The following PRNP variants were observed in gnomAD, a reference collection of about 807,000 sequenced individuals.
The protein encoded by PRNP is major prion protein.
In PRNP, 15 loss-of-function variants were observed where a neutral mutation model predicts 21.3. The observed-to-expected ratio is 0.71, with a 90% CI of 0.47 to 1.09. The LOEUF is 1.09. Among genes scored for constraint, PRNP ranks in the 50% least tolerant of loss-of-function variants. The pLI is 0.00. For missense variants in PRNP, 285 were observed against 340.9 expected (o/e 0.84, Z 1.29); for synonymous variants, 121 against 123.1 (o/e 0.98, Z 0.11).
At position 4,700,507 on chromosome 20, in the gene PRNP, G is replaced by A. The variant is rs1922535657; in HGVS notation, c.*525G>A. On this transcript the variant is annotated 3_prime_UTR_variant, in exon 2 of 2. Coordinates refer to ENST00000379440, the MANE Select transcript of PRNP (RefSeq NM_000311.5). This position sits in a 1 kb window ranked among gnomAD's most constrained non-coding sequence, Gnocchi z 4.1. ...AATCCTAGAGATTCTTAGCTCTTGG[G>A]ATGCAGGCTCAGCCCGCTGGAGCAT... 4 of 316,422 alleles carry A rather than the reference G, an allele frequency of 1.3e-5. No homozygotes were observed. Among genetic ancestry groups the A allele is most frequent in the South Asian group, 9.2e-5 (3 of 32,752 alleles). The allele number at this position is 316,422 out of a possible 1,614,324, so 19.6% of individuals were successfully genotyped here. A position where few individuals can be genotyped will look rare whatever the true frequency, so the allele number is the denominator to read the frequency against.
intron 1 of PRNP, among the ~76,000 whole-genome samples, chr20:4,687,657 CCG>C (rs1469329402): frequency 6.6e-6 from 1 of 152,168 alleles, no homozygotes; most frequent in East Asian, 1.9e-4. Flanking sequence ...CCACAGCTCT[CCG>C]TTTTTGTTTC....
chr20:4,698,060 C>T (rs1415353999), intron 1 of PRNP, among the ~76,000 whole-genome samples: 1 of 151,838 alleles, frequency 6.6e-6, no homozygotes, highest in Non-Finnish European at 1.5e-5. Context: ...GTTTGATTTC[C>T]TGGGGTGTAT....
intron 1 of PRNP, among the ~76,000 whole-genome samples, chr20:4,695,991 C>G (rs954480896): frequency 1.3e-5 from 2 of 152,206 alleles, no homozygotes; most frequent in African/African-American, 4.8e-5. Flanking sequence ...ACTTGCTTTT[C>G]TGTTTCCTTT....
rs1444913590 is a variant in PRNP, at chr20:4,699,024, G to A, written c.-10-187G>A. Among the ~76,000 whole-genome samples, 1 of 152,218 alleles carries A rather than the reference G, an allele frequency of 6.6e-6. No individual in the cohort carries two copies. The highest frequency in any genetic ancestry group is 1.9e-4 in the East Asian group (1 of 5,206). Reference sequence around the variant, plus strand: ...GGTCACATTTGTCCTTGGAGCAGGAGAAAGAGTTGTGTTCACCCTTTTCTT... The same window carrying A: ...GGTCACATTTGTCCTTGGAGCAGGAAAAAGAGTTGTGTTCACCCTTTTCTT... On this transcript the variant is annotated intron_variant, in intron 1 of 1. Transcript: ENST00000379440. The surrounding 1 kb of genome is among the most constrained non-coding windows in gnomAD (Gnocchi z 5.8).
intron 1 of PRNP, among the ~76,000 whole-genome samples, chr20:4,690,849 G>A (rs891181101): frequency 2.6e-5 from 4 of 152,140 alleles, no homozygotes; most frequent in Admixed American, 6.5e-5. Flanking sequence ...GAAATAAAAA[G>A]CATCCAAATT....
chr20:4,691,802 A>G (rs1921842960), intron 1 of PRNP, among the ~76,000 whole-genome samples: 1 of 152,186 alleles, frequency 6.6e-6, no homozygotes, highest in Non-Finnish European at 1.5e-5. Context: ...GTTTTATACC[A>G]TCATGCTTAG....
rs73601296 is a variant in PRNP at position 4,690,402 on chromosome 20, T to C, written c.-11+3890T>C. Among the ~76,000 whole-genome samples the C allele has an allele frequency of 5.4e-3, 825 of 152,292 alleles. 2 individuals are homozygous for C. The highest frequency in any genetic ancestry group is 0.018 in the African/African-American group (765 of 41,546). On this transcript the variant is annotated intron_variant, in intron 1 of 1. Transcript: ENST00000379440. ...CTCTTACAACCTTGGGATAAGTTCT[T>C]ACTAGCTCTGACTCTCACTCCCCAT...
chr20:4,689,067 G>A (rs1328968709), intron 1 of PRNP, among the ~76,000 whole-genome samples: 1 of 152,094 alleles, frequency 6.6e-6, no homozygotes, highest in Admixed American at 6.6e-5. Flanking sequence ...AGTAATTTGT[G>A]TATTGGGTTT....
chr20:4,691,615 C>T (rs919983060), intron 1 of PRNP, among the ~76,000 whole-genome samples: 1 of 152,224 alleles, frequency 6.6e-6, no homozygotes, highest in Admixed American at 6.5e-5. Flanking sequence ...ATGAATCCCA[C>T]TGTATCATAG....
intron 1 of PRNP, among the ~76,000 whole-genome samples, chr20:4,696,438 G>T (rs1184835094): frequency 2.0e-5 from 3 of 152,182 alleles, no homozygotes; most frequent in African/African-American, 7.2e-5. Context: ...CTACTGTAGA[G>T]GAATGCCGTT....
intron 1 of PRNP, among the ~76,000 whole-genome samples, chr20:4,687,077 C>T (rs1418178059): frequency 6.6e-6 from 1 of 152,098 alleles, no homozygotes; most frequent in Non-Finnish European, 1.5e-5. Context: ...GGGCGCCCGC[C>T]GGGGGAGTTC....
chr20:4,700,558 G>T lies in PRNP; in HGVS notation c.*576G>T. On this transcript the variant is annotated 3_prime_UTR_variant, in exon 2 of 2. Coordinates refer to ENST00000379440, the MANE Select transcript of PRNP (RefSeq NM_000311.5). The surrounding 1 kb of genome is among the most constrained non-coding windows in gnomAD (Gnocchi z 4.1). ...GAGCTCTGTGTGTACCGAGAACTGG[G>T]GTGATGTTTTACTTTTCACAGTATG... 1 of 259,740 alleles carries T rather than the reference G, an allele frequency of 3.9e-6. No individual in the cohort carries two copies. The highest frequency in any genetic ancestry group is 1.0e-4 in the East Asian group (1 of 9,608). 16.1% of individuals were successfully genotyped at this position (259,740 alleles called of 1,614,324 possible).
At chr20:4,698,621 G>A (rs951253963) in intron 1 of PRNP, among the ~76,000 whole-genome samples, 1 of 152,050 alleles carries the variant, frequency 6.6e-6, no homozygotes, top group Admixed American at 6.6e-5. Context: ...AAGAGAGAGA[G>A]AAAAACAATT....
Position 4,699,798 on chromosome 20 carries a change from C to T in PRNP, c.578C>T (p.Thr193Ile), listed in dbSNP as rs1922461690. 6.2e-7 allele frequency: 1 copy of T among 1,613,766 alleles called. No homozygotes were observed. Among genetic ancestry groups the T allele is most frequent in the African/African-American group, 1.3e-5 (1 of 74,812 alleles). The stretch of plus-strand genomic sequence containing the variant: ...AAGCAGCACACGGTCACCACAACCA[C>T]CAAGGGGGAGAACTTCACCGAGACC... Reference protein sequence around the residue: ...TIKQHTVTTTTKGENFTETDV... With the variant: ...TIKQHTVTTTIKGENFTETDV... Residue 193 changes from threonine (T) to isoleucine (I), a missense_variant, in exon 2 of 2, where the codon ACC becomes ATC. Coordinates refer to ENST00000379440, the MANE Select transcript of PRNP (RefSeq NM_000311.5). This position sits in a 1 kb window ranked among gnomAD's most constrained non-coding sequence, Gnocchi z 5.8.
chr20:4,686,629 C>T lies in PRNP; in HGVS notation c.-11+117C>T, dbSNP rs989637721. The T allele has an allele frequency of 4.6e-5, 7 of 151,888 alleles. No homozygotes were observed. Among genetic ancestry groups the T allele is most frequent in the African/African-American group, 1.7e-4 (7 of 41,380 alleles). 9.4% of individuals were successfully genotyped at this position (151,888 alleles called of 1,614,324 possible). A position where few individuals can be genotyped will look rare whatever the true frequency, so the allele number is the denominator to read the frequency against. ...GTGCCCGGCCGGGCGGGGTCGGGAC[C>T]CCAGTGAGGAGGGGCCGGGGGCTGC... is the stretch of plus-strand genomic sequence containing the variant. On this transcript the variant is annotated intron_variant, in intron 1 of 1. Transcript: ENST00000379440. This position sits in a 1 kb window ranked among gnomAD's most constrained non-coding sequence, Gnocchi z 6.7.
At chr20:4,694,233 G>A (rs902622348) in intron 1 of PRNP, among the ~76,000 whole-genome samples, 1 of 151,160 alleles carries the variant, frequency 6.6e-6, no homozygotes, top group African/African-American at 2.4e-5. Context: ...GGGCATGGTG[G>A]CTCACACCTG....
chr20:4,695,144 TTTTTTAA>T (rs1207746196), intron 1 of PRNP, among the ~76,000 whole-genome samples: 1 of 152,192 alleles, frequency 6.6e-6, no homozygotes, highest in Non-Finnish European at 1.5e-5. Context: ...TTTAATTTTT[TTTTTTAA>T]TTTTTAAGTT....
intron 1 of PRNP, among the ~76,000 whole-genome samples, chr20:4,688,822 G>C (rs1226880599): frequency 6.6e-6 from 1 of 152,196 alleles, no homozygotes. Flanking sequence ...ACAGAAAATG[G>C]ACGTTTTCAT....
In PRNP at chr20:4,699,102, T is replaced by G. The variant is rs1424405125; in HGVS notation, c.-10-109T>G. On this transcript the variant is annotated intron_variant, in intron 1 of 1. Coordinates refer to ENST00000379440, the MANE Select transcript of PRNP (RefSeq NM_000311.5). This position sits in a 1 kb window ranked among gnomAD's most constrained non-coding sequence, Gnocchi z 5.8. ...GAGAAGTACAGGGTGGCAACAGTGTTTCTACTGAGCAGCTGATACCATTGC... is the reference window on the plus strand; with the variant it reads ...GAGAAGTACAGGGTGGCAACAGTGTGTCTACTGAGCAGCTGATACCATTGC... 6 of 1,356,800 alleles carry G rather than the reference T, an allele frequency of 4.4e-6. No homozygotes were observed. The highest frequency in any genetic ancestry group is 5.2e-6 in the Non-Finnish European group (5 of 956,414). The allele number at this position is 1,356,800 out of a possible 1,614,324, so 84.0% of individuals were successfully genotyped here.
Sources: gnomAD v4.1 joint callset for allele counts (sites outside exome capture counted in the v4.1 genomes callset) on GRCh38, gnomAD v4.1.1 for gene constraint, Gnocchi (gnomAD v3.1) non-coding constraint, MANE v1.5 for transcripts, NCBI Gene and HGNC (gene_info 2026-07-23, HGNC 2026-07-21) for gene names.